Variants in PCNX2 observed in about 807,000 individuals in gnomAD.
PCNX2 encodes the protein pecanex 2, also known as pecanex-like protein 2.
Under a neutral mutation model 223.8 loss-of-function variants are expected in PCNX2, and 168 were observed. The ratio of observed to expected loss-of-function variants is 0.75; its 90% CI spans 0.66 to 0.85. The LOEUF (loss-of-function observed/expected upper bound fraction) is 0.85, where lower values mean the gene tolerates loss of function less well. Ranked by LOEUF, PCNX2 falls within the 40% of genes least tolerant of loss-of-function variation. The pLI, the probability that PCNX2 is intolerant of heterozygous loss-of-function variation, is 0.00. For synonymous variants in PCNX2, 1,006 were observed against 1,052.6 expected, an observed-to-expected ratio of 0.96 and a Z score of 0.86; for missense variants, 2,507 against 2,675.5, an observed-to-expected ratio of 0.94 and a Z score of 1.39.
At chr1:233,137,303 T>G (rs1676867258) in intron 20 of PCNX2, among the ~76,000 whole-genome samples, 1 of 146,076 alleles carries the variant, frequency 6.8e-6, no homozygotes, top group Admixed American at 6.7e-5. Flanking sequence ...TGAGTGTGAG[T>G]GTGGGTGTGA....
chr1:233,286,949 T>A (rs971416001), intron 1 of PCNX2, among the ~76,000 whole-genome samples: 10 of 152,222 alleles, frequency 6.6e-5, no homozygotes, highest in African/African-American at 2.4e-4. Context: ...AACTGCACAT[T>A]CTGCGATCTA....
At chr1:233,069,224 T>C (rs894553428) in intron 23 of PCNX2, among the ~76,000 whole-genome samples, 11 of 152,148 alleles carry the variant, frequency 7.2e-5, no homozygotes, top group Admixed American at 2.0e-4. Flanking sequence ...CCAAACCTGA[T>C]AGAACTGAAA....
At chr1:233,045,981 T>C (rs1157492720) in intron 25 of PCNX2, among the ~76,000 whole-genome samples, 1 of 152,236 alleles carries the variant, frequency 6.6e-6, no homozygotes, top group East Asian at 1.9e-4. Flanking sequence ...AACAAATCCT[T>C]CTTCTACTTA....
At chr1:233,186,670 T>C (rs903868959) in intron 15 of PCNX2, among the ~76,000 whole-genome samples, 2 of 152,246 alleles carry the variant, frequency 1.3e-5, no homozygotes, top group South Asian at 2.1e-4. Context: ...TGAACACATA[T>C]GGCAAGTCAG....
intron 26 of PCNX2, among the ~76,000 whole-genome samples, chr1:233,018,569 A>T (rs1038788718): frequency 5.3e-5 from 8 of 152,178 alleles, no homozygotes; most frequent in Non-Finnish European, 1.0e-4. Context: ...CCTCCATCAA[A>T]AAGGCTAGCA....
chr1:233,303,280 G>A, the PCNX2 span, among the ~76,000 whole-genome samples: 2 of 152,244 alleles, frequency 1.3e-5, no homozygotes, highest in Admixed American at 6.5e-5. Flanking sequence ...TTGGGAGGCC[G>A]AGGCAGGCAG....
chr1:233,167,644 A>C (rs1678879682), intron 17 of PCNX2: 1 of 732,566 alleles, frequency 1.4e-6, no homozygotes, highest in Non-Finnish European at 1.7e-6. Context: ...CCATTTTACT[A>C]TCTATAGGTA....
At chr1:233,147,506 G>A (rs1677530690) in intron 19 of PCNX2, among the ~76,000 whole-genome samples, 2 of 151,930 alleles carry the variant, frequency 1.3e-5, no homozygotes, top group Non-Finnish European at 2.9e-5. Flanking sequence ...CTGGCTCAGG[G>A]GTGGAAGAGG....
intron 17 of PCNX2, among the ~76,000 whole-genome samples, chr1:233,165,992 G>T (rs545696159): frequency 5.3e-5 from 8 of 152,038 alleles, no homozygotes; most frequent in Non-Finnish European, 8.8e-5. Context: ...CTATGGTATT[G>T]ATGGTATTGG....
chr1:233,104,922 A>G (rs1451841896), intron 21 of PCNX2, among the ~76,000 whole-genome samples: 1 of 152,152 alleles, frequency 6.6e-6, no homozygotes, highest in Non-Finnish European at 1.5e-5. Context: ...AGTTAAGAAT[A>G]AATTATAATG....
At chr1:233,161,611 T>A (rs1193245559) in intron 17 of PCNX2, among the ~76,000 whole-genome samples, 1 of 152,100 alleles carries the variant, frequency 6.6e-6, no homozygotes, top group African/African-American at 2.4e-5. Context: ...GCAAGGTTAG[T>A]GTCTGGGTGC....
chr1:233,017,828 G>A (rs1670739287), intron 26 of PCNX2, among the ~76,000 whole-genome samples: 1 of 152,184 alleles, frequency 6.6e-6, no homozygotes, highest in Non-Finnish European at 1.5e-5. Flanking sequence ...TAATTTGTAT[G>A]ATGAGGAAGA....
At chr1:233,224,582 C>T (rs1657584287) in intron 10 of PCNX2, among the ~76,000 whole-genome samples, 1 of 152,062 alleles carries the variant, frequency 6.6e-6, no homozygotes, top group Admixed American at 6.6e-5. Flanking sequence ...ACCCAGCTTC[C>T]CCAATGATTC....
the PCNX2 span, among the ~76,000 whole-genome samples, chr1:233,323,437 C>A: frequency 6.6e-6 from 1 of 152,202 alleles, no homozygotes; most frequent in Admixed American, 6.5e-5. Context: ...TTTGCAGATA[C>A]TGCATTTTTT....
rs760747848 is a variant in PCNX2 at position 233,095,737 on chromosome 1, T to C, written c.3946+18A>G. 2.8e-5 allele frequency: 43 copies of C among 1,557,984 alleles called. No homozygotes were observed. Among genetic ancestry groups the C allele is most frequent in the Non-Finnish European group, 3.3e-5 (37 of 1,137,876 alleles). On this transcript the variant is annotated intron_variant, in intron 22 of 33. Coordinates refer to ENST00000258229, the MANE Select transcript of PCNX2 (RefSeq NM_014801.4). ...GTGAATCTCAGCTGGAGGGTGAAAA[T>C]AGAAGCAGAAAGGATACGAGGAATG... is the stretch of plus-strand genomic sequence containing the variant.
At chr1:233,012,607 G>A (rs1302593257) in intron 28 of PCNX2, among the ~76,000 whole-genome samples, 1 of 151,828 alleles carries the variant, frequency 6.6e-6, no homozygotes, top group African/African-American at 2.4e-5. Context: ...TTGAGTATGA[G>A]AAACTATCTG....
At position 233,074,594 on chromosome 1, in the gene PCNX2, C is replaced by CAA. The variant is rs531631109; in HGVS notation, c.4076+15465_4076+15466dup. On this transcript the variant is annotated intron_variant, in intron 23 of 33. Coordinates refer to ENST00000258229, the MANE Select transcript of PCNX2 (RefSeq NM_014801.4). ...TGGGCGACAGAGCGAGACTCCGTCT[C>CAA]AAAAAAAAAAAAAAAAAAAAAAAAA... Among the ~76,000 whole-genome samples the CAA allele has an allele frequency of 5.0e-3, 237 of 47,690 alleles. 25 individuals carry two copies. The highest frequency in any genetic ancestry group is 7.2e-3 in the Non-Finnish European group (168 of 23,344). 31.3% of individuals were successfully genotyped at this position (47,690 alleles called of 152,430 possible). A position where few individuals can be genotyped will look rare whatever the true frequency, so the allele number is the denominator to read the frequency against.
intron 21 of PCNX2, among the ~76,000 whole-genome samples, chr1:233,106,567 C>T (rs7527082): frequency 0.18 from 26,820 of 151,554 alleles, 2,469 homozygotes; most frequent in East Asian, 0.25. Context: ...TTAGTCAGGA[C>T]GGTCTCGATC....
In PCNX2 at chr1:233,016,805, T is replaced by G; in HGVS notation, c.4839+116A>C. The G allele has an allele frequency of 7.6e-6, 11 of 1,455,670 alleles. No homozygotes were observed. The South Asian group carries it at 1.6e-4, about 21-fold the overall frequency. The allele number at this position is 1,455,670 out of a possible 1,614,324, so 90.2% of individuals were successfully genotyped here. ...AAACATCTGTCCAAATAGTGCTTTT[T>G]TTCTATCCTCTATGTTAAAAGTCTA... On this transcript the variant is annotated intron_variant, in intron 27 of 33. Transcript: ENST00000258229.
Sources: allele counts gnomAD v4.1 joint callset (sites outside exome capture counted in the v4.1 genomes callset), GRCh38; gene constraint gnomAD v4.1.1; transcripts MANE v1.5; gene names NCBI Gene and HGNC (gene_info 2026-07-23, HGNC 2026-07-21).